Variants in FAT3 observed in about 807,000 individuals in gnomAD.
The protein encoded by FAT3 is FAT atypical cadherin 3.
Under a neutral mutation model 310.2 loss-of-function variants are expected in FAT3, and 95 were observed. That is an observed-to-expected ratio of 0.31 (90% CI 0.26 to 0.36). FAT3 has a LOEUF of 0.36. Ranked by LOEUF, FAT3 falls within the 10% of genes least tolerant of loss-of-function variation. The pLI, the probability that FAT3 is intolerant of heterozygous loss-of-function variation, is 1.00. For missense variants in FAT3, 5,408 were observed against 5,715.6 expected (o/e 0.95, Z 1.74); for synonymous variants, 2,314 against 2,192.9 (o/e 1.06, Z -1.54).
At chr11:92,803,792 G>A (rs969913246) in intron 10 of FAT3, among the ~76,000 whole-genome samples, 1 of 152,200 alleles carries the variant, frequency 6.6e-6, no homozygotes, top group Non-Finnish European at 1.5e-5. Flanking sequence ...CAGAGGGGAA[G>A]GGCACAGTTG....
In FAT3 at chr11:92,534,635, T is replaced by A. The variant is rs1003568528; in HGVS notation, c.3607+9687T>A. ...TTAAAATAAATTCATATTGGATGTG[T>A]GTGGGCCCTAATTCAGTGACTGGTG... On this transcript the variant is annotated intron_variant, in intron 3 of 27. Transcript: ENST00000525166. Among the ~76,000 whole-genome samples the A allele has an allele frequency of 5.9e-5, 9 of 152,126 alleles. No homozygotes were observed. In the East Asian group the frequency reaches 1.7e-3, roughly 29 times the overall value.
intron 4 of FAT3, among the ~76,000 whole-genome samples, chr11:92,722,372 A>T (rs1449775075): frequency 1.3e-5 from 2 of 152,212 alleles, no homozygotes; most frequent in African/African-American, 2.4e-5. Context: ...TCATGCTGAT[A>T]CAAGGGGTGG....
intron 2 of FAT3, among the ~76,000 whole-genome samples, chr11:92,468,664 A>T (rs1287995114): frequency 6.6e-6 from 1 of 152,132 alleles, no homozygotes; most frequent in African/African-American, 2.4e-5. Flanking sequence ...GCCTCAGGAA[A>T]CTTACAGTCA....
At chr11:92,455,409 G>A (rs552562083) in intron 2 of FAT3, among the ~76,000 whole-genome samples, 210 of 152,212 alleles carry the variant, frequency 1.4e-3, no homozygotes, top group African/African-American at 4.4e-3. Flanking sequence ...ACTATTGTGC[G>A]GTGTCGGCTG....
At chr11:92,792,158 G>A (rs181261580) in intron 8 of FAT3, among the ~76,000 whole-genome samples, 4 of 152,122 alleles carry the variant, frequency 2.6e-5, no homozygotes, top group East Asian at 1.9e-4. Flanking sequence ...ACTATTCTGC[G>A]AGCATCTTTA....
At chr11:92,765,766 T>C (rs1311144889) in intron 6 of FAT3, among the ~76,000 whole-genome samples, 1 of 139,070 alleles carries the variant, frequency 7.2e-6, no homozygotes, top group Non-Finnish European at 1.5e-5. Context: ...GTTTGAGGTT[T>C]GATAGGGTTT....
chr11:92,244,371 G>A (rs1037771583), intron 1 of FAT3, among the ~76,000 whole-genome samples: 1 of 152,096 alleles, frequency 6.6e-6, no homozygotes, highest in African/African-American at 2.4e-5. Flanking sequence ...TTTAGCACAA[G>A]TATGTCCCAA....
chr11:92,241,675 C>T (rs1036654427), intron 1 of FAT3, among the ~76,000 whole-genome samples: 11 of 152,058 alleles, frequency 7.2e-5, no homozygotes, highest in African/African-American at 1.7e-4. Context: ...CTACCTTTAA[C>T]GAATACAGAA....
At chr11:92,236,894 G>T (rs1864445096) in intron 1 of FAT3, among the ~76,000 whole-genome samples, 1 of 152,100 alleles carries the variant, frequency 6.6e-6, no homozygotes, top group South Asian at 2.1e-4. Flanking sequence ...ATTGTTTTAG[G>T]CCTTTATTTC....
At chr11:92,583,706 C>T (rs7951136) in intron 3 of FAT3, among the ~76,000 whole-genome samples, 11,100 of 151,956 alleles carry the variant, frequency 0.073, 1,351 homozygotes, top group African/African-American at 0.25. Flanking sequence ...GGACACACCC[C>T]CATTGTCACT....
At chr11:92,510,002 A>G (rs1321001396) in intron 2 of FAT3, among the ~76,000 whole-genome samples, 1 of 152,096 alleles carries the variant, frequency 6.6e-6, no homozygotes, top group Admixed American at 6.6e-5. Flanking sequence ...TCTATCTTCT[A>G]CCTATCTGCT....
intron 3 of FAT3, among the ~76,000 whole-genome samples, chr11:92,624,448 T>TA (rs571857761): frequency 4.3e-4 from 65 of 152,282 alleles, no homozygotes; most frequent in African/African-American, 1.6e-3. Flanking sequence ...CACTTTTCTC[T>TA]ACTCTGATGC....
chr11:92,592,798 T>C (rs540886140), intron 3 of FAT3, among the ~76,000 whole-genome samples: 1 of 152,306 alleles, frequency 6.6e-6, no homozygotes, highest in East Asian at 1.9e-4. Flanking sequence ...TTTATTTCTA[T>C]TGACTTTATT....
At chr11:92,516,437 A>AC (rs1953487178) in intron 2 of FAT3, among the ~76,000 whole-genome samples, 1 of 152,048 alleles carries the variant, frequency 6.6e-6, no homozygotes, top group Non-Finnish European at 1.5e-5. Context: ...AAAATTAAAC[A>AC]CCCCTTCATA....
intron 2 of FAT3, among the ~76,000 whole-genome samples, chr11:92,451,557 C>T (rs1477507966): frequency 6.6e-6 from 1 of 152,142 alleles, no homozygotes; most frequent in African/African-American, 2.4e-5. Flanking sequence ...AGACACAAAC[C>T]TTCTTGAATG....
rs1338146905 is a variant in FAT3, at chr11:92,353,631, A to C, written c.1519A>C (p.Ile507Leu). The part of the protein sequence containing the change: ...SDKDKGENGY[I>L]TYSIASLNLL... ...TAAGGATAAAGGAGAAAATGGGTAC[A>C]TCACCTATAGTATCGCTAGCCTGAA... Residue 507 changes from isoleucine (I) to leucine (L), a missense_variant, in exon 2 of 28, where the codon ATC (isoleucine) becomes CTC (leucine). Around this residue, in one of 5 missense-constraint regions of FAT3, gnomAD observed 4,588 missense variants for 4,809.8 expected, o/e 0.95. Coordinates refer to ENST00000525166, the MANE Select transcript of FAT3 (RefSeq NM_001367949.2). 6.2e-7 allele frequency: 1 copy of C among 1,613,922 alleles called. No homozygotes were observed. The highest frequency in any genetic ancestry group is 8.5e-7 in the Non-Finnish European group (1 of 1,179,878).
intron 4 of FAT3, among the ~76,000 whole-genome samples, chr11:92,758,286 G>A (rs1279211095): frequency 6.6e-6 from 1 of 152,196 alleles, no homozygotes; most frequent in Non-Finnish European, 1.5e-5. Context: ...AATGCAGGAT[G>A]ATAATTAGTG....
chr11:92,366,766 T>C (rs1290363386), intron 2 of FAT3: 1 of 532,584 alleles, frequency 1.9e-6, no homozygotes, highest in Non-Finnish European at 3.8e-6. Context: ...AGAGTAGAGC[T>C]CTGGTGGTAG....
At chr11:92,389,598 C>T (rs112604497) in intron 2 of FAT3, among the ~76,000 whole-genome samples, 1 of 152,144 alleles carries the variant, frequency 6.6e-6, no homozygotes, top group African/African-American at 2.4e-5. Context: ...TGCCAGATGC[C>T]TGGTACTTAA....
Sources: gnomAD v4.1 joint callset for allele counts (sites outside exome capture counted in the v4.1 genomes callset) on GRCh38, gnomAD v4.1.1 for gene constraint, gnomAD v4.1.1 regional missense constraint, MANE v1.5 for transcripts, NCBI Gene and HGNC (gene_info 2026-07-23, HGNC 2026-07-21) for gene names.